HLF: variants seen among roughly 807,000 people sequenced by gnomAD.
HLF encodes HLF transcription factor, PAR bZIP family member.
In HLF, 3 loss-of-function variants were observed where a neutral mutation model predicts 22.6. The observed-to-expected ratio is 0.13, with a 90% CI of 0.06 to 0.34. The LOEUF (loss-of-function observed/expected upper bound fraction) is 0.34. HLF is among the 10% of genes least tolerant of loss of function. The pLI is 1.00. For synonymous variants in HLF, 151 were observed against 151.8 expected, an observed-to-expected ratio of 0.99 and a Z score of 0.04; for missense variants, 299 against 389.2, an observed-to-expected ratio of 0.77 and a Z score of 1.95.
chr17:55,323,270 C>T lies in HLF; in HGVS notation c.*2391C>T, dbSNP rs1181998273. On this transcript the variant is annotated 3_prime_UTR_variant, in exon 4 of 4. Coordinates refer to ENST00000226067, the MANE Select transcript of HLF (RefSeq NM_002126.5). ...GATAGCAATATGAGACACAGGTGGA[C>T]GTAGAGTTGGCCTTTTTACAGGCAA... 9.2e-6 allele frequency: 2 copies of T among 216,304 alleles called. No homozygotes were observed. The highest frequency in any genetic ancestry group is 5.8e-5 in the Admixed American group (1 of 17,194). 13.4% of individuals were successfully genotyped at this position (216,304 alleles called of 1,614,324 possible).
chr17:55,267,854 C>A lies in HLF; in HGVS notation c.219C>A (p.Thr73=), dbSNP rs755022700. 10 of 1,614,112 alleles carry A rather than the reference C, an allele frequency of 6.2e-6. No individual in the cohort carries two copies. The highest frequency in any genetic ancestry group is 8.5e-6 in the Non-Finnish European group (10 of 1,180,002). The change falls in exon 2 of 4, where the codon ACC becomes ACA. Residue 73 remains threonine, a synonymous_variant. Transcript: ENST00000226067. ...AFLGPTLWDK[T]LPYDGDTFQL... ...TGGGGCCTACCTTATGGGACAAAAC[C>A]CTTCCCTATGACGGAGATACTTTCC...
intron 2 of HLF, among the ~76,000 whole-genome samples, chr17:55,271,042 A>C (rs565988430): frequency 6.6e-6 from 1 of 152,172 alleles, no homozygotes; most frequent in Non-Finnish European, 1.5e-5. Context: ...AGATGTGACA[A>C]GTAAAAATGT....
chr17:55,297,811 G>A (rs1428967620), intron 2 of HLF, among the ~76,000 whole-genome samples: 2 of 139,434 alleles, frequency 1.4e-5, no homozygotes, highest in Non-Finnish European at 3.0e-5. Flanking sequence ...GTGCAATGGC[G>A]CGACCTCAGC....
chr17:55,267,927 C>A lies in HLF; in HGVS notation c.292C>A (p.Pro98Thr). 1 of 1,613,978 alleles carries A rather than the reference C, an allele frequency of 6.2e-7. No homozygotes were observed. The highest frequency in any genetic ancestry group is 1.7e-5 in the Admixed American group (1 of 60,010). ...GGAGTTTTTGTCAGAAAATGGCATT[C>A]CCCCCAGCCCATCTCAGCATGACCA... ...LEEFLSENGI[P>T]PSPSQHDHSP... Residue 98 changes from proline to threonine, a missense_variant, in exon 2 of 4, where the codon CCC becomes ACC. Physicochemically the swap from Pro to Thr is conservative, Grantham distance 38. Transcript: ENST00000226067.
chr17:55,297,538 G>A (rs937244685), intron 2 of HLF, among the ~76,000 whole-genome samples: 1 of 151,776 alleles, frequency 6.6e-6, no homozygotes, highest in Non-Finnish European at 1.5e-5. Flanking sequence ...AATTAGGGTG[G>A]TTATTGCTCT....
rs902783374 is a variant in HLF at position 55,322,434 on chromosome 17, G to A, written c.*1555G>A. On this transcript the variant is annotated 3_prime_UTR_variant, in exon 4 of 4. Coordinates refer to ENST00000226067, the MANE Select transcript of HLF (RefSeq NM_002126.5). ...CTATTCCATGTTTTAAAATTATATA[G>A]CAAAGATATATATTCACCAATGTTG... 5 of 201,056 alleles carry A rather than the reference G, an allele frequency of 2.5e-5. No homozygotes were observed. Among genetic ancestry groups the A allele is most frequent in the African/African-American group, 4.6e-5 (2 of 43,528 alleles). 12.5% of individuals were successfully genotyped at this position (201,056 alleles called of 1,614,324 possible).
intron 2 of HLF, among the ~76,000 whole-genome samples, chr17:55,292,693 T>C (rs958093914): frequency 5.9e-5 from 9 of 152,208 alleles, no homozygotes; most frequent in Admixed American, 3.3e-4. Flanking sequence ...CGGCATTCCA[T>C]GTTTATTGCA....
At chr17:55,302,535 C>T (rs949810420) in intron 2 of HLF, among the ~76,000 whole-genome samples, 2 of 151,902 alleles carry the variant, frequency 1.3e-5, no homozygotes, top group East Asian at 1.9e-4. Flanking sequence ...AGGGTGTCAC[C>T]GGGGGAGCAT....
chr17:55,291,878 A>G (rs769794696), intron 2 of HLF, among the ~76,000 whole-genome samples: 19 of 152,234 alleles, frequency 1.2e-4, no homozygotes, highest in Non-Finnish European at 2.6e-4. Flanking sequence ...GTTGATTGCA[A>G]CCCTTATAGT....
At chr17:55,316,969 T>TG (rs1352153630) in intron 3 of HLF, among the ~76,000 whole-genome samples, 6 of 132,616 alleles carry the variant, frequency 4.5e-5, no homozygotes, top group East Asian at 6.7e-4. Flanking sequence ...TATGGTGTTT[T>TG]TTTTTTTTTT....
At chr17:55,276,378 T>G (rs1482548333) in intron 2 of HLF, among the ~76,000 whole-genome samples, 2 of 152,098 alleles carry the variant, frequency 1.3e-5, no homozygotes, top group Non-Finnish European at 2.9e-5. Context: ...AGGCCTCCAA[T>G]ATCTGCTGAA....
At chr17:55,300,678 A>T (rs1007176833) in intron 2 of HLF, among the ~76,000 whole-genome samples, 3 of 152,196 alleles carry the variant, frequency 2.0e-5, no homozygotes, top group African/African-American at 7.2e-5. Context: ...GTTGGCAACA[A>T]TTCATGTTGC....
chr17:55,297,165 CATT>C (rs2081118101), intron 2 of HLF, among the ~76,000 whole-genome samples: 2 of 152,274 alleles, frequency 1.3e-5, no homozygotes, highest in South Asian at 4.1e-4. Flanking sequence ...CAAATGTAAA[CATT>C]AATCCATCTT....
chr17:55,279,840 C>T (rs959461021), intron 2 of HLF, among the ~76,000 whole-genome samples: 2 of 152,236 alleles, frequency 1.3e-5, no homozygotes, highest in South Asian at 4.2e-4. Context: ...TCCATTCCCC[C>T]CCACCACTCA....
In HLF at chr17:55,273,074, G is replaced by A. The variant is rs1341241486; in HGVS notation, c.451+4988G>A. The A allele has an allele frequency of 3.3e-5, 5 of 152,244 alleles. No individual in the cohort carries two copies. The East Asian group carries it at 9.6e-4, about 29-fold the overall frequency. 9.4% of individuals were successfully genotyped at this position (152,244 alleles called of 1,614,324 possible). ...TTCACAGGATAGTAGTCCCAAGCCT[G>A]TGGCAAAAGGTATTTTTGGGTATGT... On this transcript the variant is annotated intron_variant, in intron 2 of 3. Coordinates refer to ENST00000226067, the MANE Select transcript of HLF (RefSeq NM_002126.5).
rs2080810531 is a variant in HLF at position 55,267,951 on chromosome 17, C to G, written c.316C>G (p.His106Asp). 1 of 1,614,052 alleles carries G rather than the reference C, an allele frequency of 6.2e-7. No homozygotes were observed. The highest frequency in any genetic ancestry group is 8.5e-7 in the Non-Finnish European group (1 of 1,179,998). Reference protein sequence around the residue: ...GIPPSPSQHDHSPHPPGLQPA... With the variant: ...GIPPSPSQHDDSPHPPGLQPA... ...TCCCCCCAGCCCATCTCAGCATGACCACAGCCCTCACCCTCCTGGGCTGCA... is the reference window on the plus strand; with the variant it reads ...TCCCCCCAGCCCATCTCAGCATGACGACAGCCCTCACCCTCCTGGGCTGCA... Residue 106 changes from histidine to aspartate, a missense_variant, in exon 2 of 4, where the codon CAC becomes GAC. His to Asp is a moderately conservative substitution (Grantham distance 81, BLOSUM62 -1). Transcript: ENST00000226067.
rs1488964563 is a variant in HLF, at chr17:55,322,376, CATATATT to C, written c.*1504_*1510del. The stretch of plus-strand genomic sequence containing the variant: ...AATACTGACAATGTATTTTGGAAGA[CATATATT>C]ATATATAGAAAAGAGGAGAGGAAAA... On this transcript the variant is annotated 3_prime_UTR_variant, in exon 4 of 4. Transcript: ENST00000226067. The C allele has an allele frequency of 5.2e-6, 1 of 191,338 alleles. No homozygotes were observed. The highest frequency in any genetic ancestry group is 2.3e-5 in the African/African-American group (1 of 42,986). The allele number at this position is 191,338 out of a possible 1,614,324, so 11.9% of individuals were successfully genotyped here.
intron 2 of HLF, among the ~76,000 whole-genome samples, chr17:55,298,786 A>G (rs1463569226): frequency 6.6e-6 from 1 of 152,142 alleles, no homozygotes; most frequent in Non-Finnish European, 1.5e-5. Flanking sequence ...CTGTTTGGCC[A>G]TTTTTCTCCT....
At chr17:55,279,808 G>C (rs575813751) in intron 2 of HLF, among the ~76,000 whole-genome samples, 3 of 152,190 alleles carry the variant, frequency 2.0e-5, no homozygotes, top group African/African-American at 7.2e-5. Context: ...ATTGTTGCCA[G>C]TTATCTCCAT....
Sources: gnomAD v4.1 joint callset for allele counts (sites outside exome capture counted in the v4.1 genomes callset) on GRCh38, gnomAD v4.1.1 for gene constraint, MANE v1.5 for transcripts, NCBI Gene and HGNC (gene_info 2026-07-23, HGNC 2026-07-21) for gene names.